Variants in SP3 observed in about 807,000 individuals in gnomAD.
SP3 encodes Sp3 transcription factor, also known as transcription factor Sp3.
Under a neutral mutation model 70.3 loss-of-function variants are expected in SP3, and 10 were observed. The ratio of observed to expected loss-of-function variants is 0.14; its 90% confidence interval spans 0.09 to 0.24. SP3 has a LOEUF of 0.24. Ranked by LOEUF, SP3 falls within the 10% of genes least tolerant of loss-of-function variation. The pLI is 1.00. For synonymous variants in SP3, 402 were observed against 333.5 expected (o/e 1.21, Z -2.24); for missense variants, 825 against 914.6 (o/e 0.90, Z 1.26).
intron 3 of SP3, among the ~76,000 whole-genome samples, chr2:173,961,701 A>G (rs1367088650): frequency 6.6e-6 from 1 of 152,218 alleles, no homozygotes; most frequent in African/African-American, 2.4e-5. Context: ...ATAACCTCTC[A>G]TAATTCCCAG....
chr2:173,959,975 G>C (rs1167300794), intron 3 of SP3, among the ~76,000 whole-genome samples: 1 of 152,132 alleles, frequency 6.6e-6, no homozygotes, highest in Non-Finnish European at 1.5e-5. Context: ...TTCAAGACCA[G>C]CCTAGGCAAC....
In SP3 at chr2:173,965,269, G is replaced by A. The variant is rs1691257979; in HGVS notation, c.-98C>T. 1 of 1,379,574 alleles carries A rather than the reference G, an allele frequency of 7.2e-7. No individual in the cohort carries two copies. Among genetic ancestry groups the A allele is most frequent in the Non-Finnish European group, 1.0e-6 (1 of 995,550 alleles). The allele number at this position is 1,379,574 out of a possible 1,614,324, so 85.5% of individuals were successfully genotyped here. On this transcript the variant is annotated 5_prime_UTR_variant, in exon 1 of 7. Transcript: ENST00000310015. ...GGGAGAGGATGCGGGAAGCGGCGGC[G>A]GACACGGCCGGAGCGGTCCGGGGAT... is the stretch of plus-strand genomic sequence containing the variant.
intron 4 of SP3, among the ~76,000 whole-genome samples, chr2:173,920,521 T>C (rs902385193): frequency 2.0e-5 from 3 of 152,158 alleles, no homozygotes; most frequent in Non-Finnish European, 4.4e-5. Context: ...AGGGTATGCA[T>C]GTGCAGGGGC....
intron 4 of SP3, among the ~76,000 whole-genome samples, chr2:173,931,101 A>C (rs1690052386): frequency 6.6e-6 from 1 of 152,208 alleles, no homozygotes; most frequent in Admixed American, 6.5e-5. Flanking sequence ...ATGTCTAAAA[A>C]AACAAAAAGT....
At chr2:173,917,485 A>C (rs1002530475) in intron 5 of SP3, among the ~76,000 whole-genome samples, 9 of 152,108 alleles carry the variant, frequency 5.9e-5, no homozygotes, top group Admixed American at 1.3e-4. Context: ...CTCACTTCTA[A>C]CACCACTGGG....
chr2:173,932,342 C>A (rs1345262084), intron 4 of SP3, among the ~76,000 whole-genome samples: 3 of 152,292 alleles, frequency 2.0e-5, no homozygotes, highest in Middle Eastern at 3.4e-3. Flanking sequence ...CAGGCGCCTG[C>A]CATCACGCCC....
chr2:173,946,242 A>G (rs144657776), intron 4 of SP3, among the ~76,000 whole-genome samples: 1 of 152,120 alleles, frequency 6.6e-6, no homozygotes, highest in Non-Finnish European at 1.5e-5. Flanking sequence ...AAAGGGGTAC[A>G]TGGAAGGTTC....
chr2:173,913,331 C>G, intron 5 of SP3, 65 bp from the exon 6 acceptor site: 1 of 1,139,564 alleles, frequency 8.8e-7, no homozygotes, highest in Non-Finnish European at 1.2e-6. Context: ...TTACCATTTA[C>G]ATCATATATC....
intron 4 of SP3, among the ~76,000 whole-genome samples, chr2:173,943,331 TC>T (rs1273468501): frequency 2.6e-5 from 4 of 152,188 alleles, no homozygotes; most frequent in Admixed American, 2.0e-4. Flanking sequence ...CATTCCCTCT[TC>T]CTGGAATACT....
At chr2:173,917,473 G>A (rs1480487356) in intron 5 of SP3, among the ~76,000 whole-genome samples, 3 of 152,024 alleles carry the variant, frequency 2.0e-5, no homozygotes, top group African/African-American at 4.8e-5. Flanking sequence ...ACCTCTCTAT[G>A]TCTCACTTCT....
In SP3 at chr2:173,906,324, C is replaced by G. The variant is rs1689319289; in HGVS notation, c.*3617G>C. 6.6e-6 allele frequency: 1 copy of G among 152,208 alleles called. No homozygotes were observed. Among genetic ancestry groups the G allele is most frequent in the African/African-American group, 2.4e-5 (1 of 41,534 alleles). The allele number at this position is 152,208 out of a possible 1,614,324, so 9.4% of individuals were successfully genotyped here. A position where few individuals can be genotyped will look rare whatever the true frequency, so the allele number is the denominator to read the frequency against. On this transcript the variant is annotated 3_prime_UTR_variant, in exon 7 of 7. Transcript: ENST00000310015. The stretch of plus-strand genomic sequence containing the variant: ...AATCTGTCTGAACAAGGCAAGGGGC[C>G]AATGTTGTTTCTTCAACACTAAATA...
At chr2:173,964,091 C>T in intron 2 of SP3, 1 of 351,078 alleles carries the variant, frequency 2.8e-6, no homozygotes, top group Non-Finnish European at 5.1e-6. Flanking sequence ...CACCCCGGCT[C>T]CCCGGTCCGC....
At chr2:173,924,969 C>A (rs1689869557) in intron 4 of SP3, among the ~76,000 whole-genome samples, 1 of 152,174 alleles carries the variant, frequency 6.6e-6, no homozygotes, top group Admixed American at 6.5e-5. Context: ...CTCACTGCAA[C>A]CTCCACCTCC....
intron 4 of SP3, among the ~76,000 whole-genome samples, chr2:173,934,161 G>T (rs1445709994): frequency 1.3e-5 from 2 of 151,904 alleles, no homozygotes; most frequent in East Asian, 3.9e-4. Context: ...GATCACATGA[G>T]CCCAGGAGTT....
At chr2:173,912,120 C>T (rs1384793196) in intron 6 of SP3, among the ~76,000 whole-genome samples, 1 of 152,164 alleles carries the variant, frequency 6.6e-6, no homozygotes, top group East Asian at 1.9e-4. Context: ...CGCCCTGCAG[C>T]CTTATCTACT....
chr2:173,945,797 G>A (rs1690519437), intron 4 of SP3, among the ~76,000 whole-genome samples: 1 of 152,100 alleles, frequency 6.6e-6, no homozygotes, highest in African/African-American at 2.4e-5. Context: ...TTAGTATTTT[G>A]GGATAATATT....
At chr2:173,939,377 G>C (rs546567012) in intron 4 of SP3, among the ~76,000 whole-genome samples, 1 of 152,298 alleles carries the variant, frequency 6.6e-6, no homozygotes, top group East Asian at 1.9e-4. Context: ...GCTTTCAGAT[G>C]TATATGCTTC....
chr2:173,961,935 G>C (rs1460447466), intron 3 of SP3, among the ~76,000 whole-genome samples: 1 of 81,014 alleles, frequency 1.2e-5, no homozygotes, highest in Non-Finnish European at 2.4e-5. Context: ...TATGGTTTGG[G>C]TTTTTTTTTT....
At chr2:173,929,201 C>G (rs1377287177) in intron 4 of SP3, among the ~76,000 whole-genome samples, 1 of 152,056 alleles carries the variant, frequency 6.6e-6, no homozygotes, top group African/African-American at 2.4e-5. Context: ...TTACTGGTTA[C>G]AAAAAGGCAC....
Sources: allele counts gnomAD v4.1 joint callset (sites outside exome capture counted in the v4.1 genomes callset), GRCh38; gene constraint gnomAD v4.1.1; transcripts MANE v1.5; gene names NCBI Gene and HGNC (gene_info 2026-07-23, HGNC 2026-07-21).